The following LMNTD1 variants were observed in gnomAD, a reference collection of about 807,000 sequenced individuals.
LMNTD1 encodes the protein lamin tail domain-containing protein 1.
Under a neutral mutation model 50.9 loss-of-function variants are expected in LMNTD1, and 35 were observed. The ratio of observed to expected loss-of-function variants is 0.69; its 90% CI spans 0.53 to 0.91. The LOEUF (loss-of-function observed/expected upper bound fraction) is 0.91. Ranked by LOEUF, LMNTD1 falls within the 40% of genes least tolerant of loss-of-function variation. The probability of loss-of-function intolerance (pLI) is 0.00; values close to 1 mark genes in which losing one functional copy is unlikely to be tolerated. For missense variants in LMNTD1, 470 were observed against 475.5 expected (o/e 0.99, Z 0.11); for synonymous variants, 153 against 161.9 (o/e 0.94, Z 0.42).
chr12:25,617,315 C>T (rs1407869333), intron 1 of LMNTD1, among the ~76,000 whole-genome samples: 1 of 152,220 alleles, frequency 6.6e-6, no homozygotes, highest in African/African-American at 2.4e-5. Flanking sequence ...TGTCCCTGTG[C>T]AGTCTTGGGT....
chr12:25,596,064 C>T (rs1239336952), intron 1 of LMNTD1, among the ~76,000 whole-genome samples: 2 of 151,962 alleles, frequency 1.3e-5, no homozygotes, highest in Non-Finnish European at 2.9e-5. Flanking sequence ...CCTGAACAGA[C>T]CAATAACAAG....
chr12:25,539,087 A>T (rs1236321965), intron 4 of LMNTD1, among the ~76,000 whole-genome samples: 2 of 150,720 alleles, frequency 1.3e-5, no homozygotes, highest in African/African-American at 4.9e-5. Flanking sequence ...GTCCTGAGTG[A>T]CCTACAAAGA....
At chr12:25,500,263 G>A (rs775429025) in intron 9 of LMNTD1, among the ~76,000 whole-genome samples, 11 of 152,130 alleles carry the variant, frequency 7.2e-5, no homozygotes, top group Non-Finnish European at 1.3e-4. Flanking sequence ...TCACATTAAA[G>A]AGCATTAAAT....
intron 1 of LMNTD1, among the ~76,000 whole-genome samples, chr12:25,564,996 C>T (rs763541705): frequency 6.6e-6 from 1 of 152,110 alleles, no homozygotes; most frequent in Non-Finnish European, 1.5e-5. Context: ...TTTGTCTCTT[C>T]TTATAGATTT....
intron 1 of LMNTD1, among the ~76,000 whole-genome samples, chr12:25,640,957 G>A (rs963783173): frequency 1.3e-5 from 2 of 152,152 alleles, no homozygotes; most frequent in Non-Finnish European, 2.9e-5. Flanking sequence ...GTAAGCCACC[G>A]TGCCCAGCCA....
intron 4 of LMNTD1, among the ~76,000 whole-genome samples, chr12:25,539,644 C>T (rs1334673752): frequency 1.3e-5 from 2 of 151,440 alleles, no homozygotes; most frequent in Admixed American, 1.3e-4. Flanking sequence ...AATTGATACC[C>T]TAACATCACA....
intron 1 of LMNTD1, among the ~76,000 whole-genome samples, chr12:25,639,528 A>G (rs534842918): frequency 6.6e-6 from 1 of 152,284 alleles, no homozygotes; most frequent in Admixed American, 6.5e-5. Context: ...TTCAAAAAAG[A>G]TATACGAATA....
chr12:25,490,656 G>T (rs11048073), intron 9 of LMNTD1, among the ~76,000 whole-genome samples: 66,475 of 151,946 alleles, frequency 0.44, 15,676 homozygotes, highest in Non-Finnish European at 0.55. Context: ...TTTTGCTGCT[G>T]CTTCTGGAAA....
intron 8 of LMNTD1, among the ~76,000 whole-genome samples, chr12:25,506,355 T>A (rs553045474): frequency 1.3e-5 from 2 of 152,338 alleles, no homozygotes; most frequent in East Asian, 3.9e-4. Context: ...ACAATTAAGA[T>A]GAATTCCACT....
chr12:25,641,328 G>GA (rs982565477), intron 1 of LMNTD1, among the ~76,000 whole-genome samples: 1 of 151,978 alleles, frequency 6.6e-6, no homozygotes, highest in African/African-American at 2.4e-5. Context: ...CAGTTTGGCT[G>GA]AAAAAAATGA....
chr12:25,509,235 G>T, intron 8 of LMNTD1, among the ~76,000 whole-genome samples: 1 of 152,126 alleles, frequency 6.6e-6, no homozygotes, highest in Non-Finnish European at 1.5e-5. Context: ...AGCCTCCAGA[G>T]TAGCTGGGAT....
At chr12:25,489,142 GT>G in intron 9 of LMNTD1, among the ~76,000 whole-genome samples, 1 of 152,192 alleles carries the variant, frequency 6.6e-6, no homozygotes, top group Middle Eastern at 3.4e-3. Context: ...TCCTTGAACA[GT>G]GGTGGGCTCC....
intron 1 of LMNTD1, among the ~76,000 whole-genome samples, chr12:25,559,692 T>G (rs911280120): frequency 6.6e-6 from 1 of 152,196 alleles, no homozygotes; most frequent in Non-Finnish European, 1.5e-5. Context: ...TTTCTCCACA[T>G]CCTCTCCAGA....
chr12:25,488,645 T>C (rs1368498602), intron 9 of LMNTD1, among the ~76,000 whole-genome samples: 1 of 151,930 alleles, frequency 6.6e-6, no homozygotes, highest in Non-Finnish European at 1.5e-5. Context: ...TCAAAGTCAT[T>C]CTCCATCCAG....
At chr12:25,635,904 A>G (rs978248219) in intron 1 of LMNTD1, among the ~76,000 whole-genome samples, 1 of 152,242 alleles carries the variant, frequency 6.6e-6, no homozygotes, top group African/African-American at 2.4e-5. Context: ...TTTTCAACAA[A>G]TGGTGCTGGG....
At chr12:25,488,917 G>C (rs1484267162) in intron 9 of LMNTD1, among the ~76,000 whole-genome samples, 8 of 152,166 alleles carry the variant, frequency 5.3e-5, no homozygotes, top group Non-Finnish European at 1.2e-4. Flanking sequence ...CCTGCTGGGG[G>C]GTGCCTCCCA....
intron 1 of LMNTD1, among the ~76,000 whole-genome samples, chr12:25,561,069 TTTG>T (rs1349138540): frequency 6.6e-6 from 1 of 151,964 alleles, no homozygotes; most frequent in Non-Finnish European, 1.5e-5. Flanking sequence ...CCAACACTAT[TTTG>T]TTGATCTTTT....
intron 8 of LMNTD1, among the ~76,000 whole-genome samples, chr12:25,511,249 G>A (rs1050184440): frequency 2.0e-5 from 3 of 152,074 alleles, no homozygotes; most frequent in Non-Finnish European, 4.4e-5. Context: ...TCCACCATGA[G>A]GGCAATGGGG....
intron 1 of LMNTD1, among the ~76,000 whole-genome samples, chr12:25,627,875 C>T (rs1232534378): frequency 5.9e-5 from 9 of 151,608 alleles, no homozygotes; most frequent in South Asian, 4.2e-4. Context: ...TTTGGGAGGC[C>T]GAGACGGGCG....
Sources: allele counts gnomAD v4.1 joint callset (sites outside exome capture counted in the v4.1 genomes callset), GRCh38; gene constraint gnomAD v4.1.1; transcripts MANE v1.5; gene names NCBI Gene and HGNC (gene_info 2026-07-23, HGNC 2026-07-21).